Variants in LOC102723971 observed in about 807,000 individuals in gnomAD.
chr9:135,615,469 C>T, the LOC102723971 span: 2,090 of 398,700 alleles, frequency 5.2e-3, 18 homozygotes, highest in Non-Finnish European at 6.5e-3. Flanking sequence ...CCAGGGACGG[C>T]GGGGACGTGG....
the LOC102723971 span, among the ~76,000 whole-genome samples, chr9:135,619,425 A>G: frequency 1.8e-4 from 28 of 152,010 alleles, no homozygotes; most frequent in Non-Finnish European, 2.9e-5. Flanking sequence ...CTTCAGGAAC[A>G]TGACCCCACG....
chr9:135,619,325 C>T, the LOC102723971 span, among the ~76,000 whole-genome samples: 15 of 152,168 alleles, frequency 9.9e-5, no homozygotes, highest in African/African-American at 2.7e-4. Flanking sequence ...CAGAGGCCTC[C>T]AAAACTTATA....
chr9:135,614,285 G>T, the LOC102723971 span: 2 of 398,650 alleles, frequency 5.0e-6, no homozygotes, highest in Non-Finnish European at 8.8e-6. Flanking sequence ...CCTTGGCCTG[G>T]GCCTGGCGGG....
the LOC102723971 span, among the ~76,000 whole-genome samples, chr9:135,614,517 G>A: frequency 3.3e-5 from 5 of 152,260 alleles, no homozygotes; most frequent in Admixed American, 1.3e-4. Flanking sequence ...CAACCCAGGC[G>A]GGAGCGGGCT....
the LOC102723971 span, chr9:135,616,724 C>T: frequency 4.0e-5 from 16 of 398,526 alleles, no homozygotes; most frequent in South Asian, 1.2e-3. Context: ...AAGGGGCGCT[C>T]GGATGTCCAG....
At chr9:135,615,372 G>A in the LOC102723971 span, 465 of 398,616 alleles carry the variant, frequency 1.2e-3, 1 homozygote, top group African/African-American at 5.4e-3. Flanking sequence ...GTGGAGGGGC[G>A]CTGGCTCACC....
the LOC102723971 span, among the ~76,000 whole-genome samples, chr9:135,614,560 C>T: frequency 3.9e-5 from 6 of 152,178 alleles, no homozygotes; most frequent in Admixed American, 3.9e-4. Flanking sequence ...CCAGCGGCCA[C>T]TGATTAACCT....
At chr9:135,615,705 A>G in the LOC102723971 span, among the ~76,000 whole-genome samples, 1 of 152,206 alleles carries the variant, frequency 6.6e-6, no homozygotes, top group Non-Finnish European at 1.5e-5. Flanking sequence ...GTCCAGTCCC[A>G]GCAGACACGC....
the LOC102723971 span, among the ~76,000 whole-genome samples, chr9:135,616,170 G>A: frequency 6.6e-6 from 1 of 152,174 alleles, no homozygotes; most frequent in African/African-American, 2.4e-5. Flanking sequence ...GGAGCATGGG[G>A]GCGAGGGGCC....
At chr9:135,619,888 T>A in the LOC102723971 span, among the ~76,000 whole-genome samples, 1 of 39,978 alleles carries the variant, frequency 2.5e-5, no homozygotes, top group Non-Finnish European at 4.6e-5. Context: ...CTCCCCAATC[T>A]CCCCCGTCTC....
At chr9:135,614,438 AG>A in the LOC102723971 span, 8 of 229,232 alleles carry the variant, frequency 3.5e-5, no homozygotes, top group Admixed American at 6.1e-5. Context: ...TGGGGCAGAC[AG>A]GGGGGTGCCG....
At chr9:135,619,200 C>T in the LOC102723971 span, among the ~76,000 whole-genome samples, 1 of 152,214 alleles carries the variant, frequency 6.6e-6, no homozygotes, top group East Asian at 1.9e-4. Context: ...TGCCAACCAC[C>T]TGCCAACCAA....
At chr9:135,618,943 C>T in the LOC102723971 span, 1 of 399,434 alleles carries the variant, frequency 2.5e-6, no homozygotes, top group Non-Finnish European at 4.4e-6. Flanking sequence ...GCCCATGTCC[C>T]CCACCCTGAG....
chr9:135,615,403 C>T, the LOC102723971 span: 2 of 398,840 alleles, frequency 5.0e-6, no homozygotes, highest in Non-Finnish European at 8.8e-6. Context: ...CAGCCAACCA[C>T]GCAGACCTGG....
chr9:135,614,278 TG>T, the LOC102723971 span: 2 of 398,688 alleles, frequency 5.0e-6, no homozygotes, highest in African/African-American at 4.1e-5. Flanking sequence ...TGCTGGCCCT[TG>T]GCCTGGGCCT....
At chr9:135,617,563 G>A in the LOC102723971 span, among the ~76,000 whole-genome samples, 5 of 152,142 alleles carry the variant, frequency 3.3e-5, no homozygotes, top group African/African-American at 1.2e-4. Context: ...AGCAGCAGCC[G>A]AGAGGCCCCA....
At chr9:135,614,315 G>C in the LOC102723971 span, 1 of 398,640 alleles carries the variant, frequency 2.5e-6, no homozygotes, top group East Asian at 3.6e-5. Flanking sequence ...GGCTCTGGAA[G>C]AGGTACCGGT....
chr9:135,617,130 G>T, the LOC102723971 span: 1 of 396,426 alleles, frequency 2.5e-6, no homozygotes, highest in Non-Finnish European at 4.4e-6. Context: ...TCCTGTCTGG[G>T]AGGGGGCCTT....
At chr9:135,619,679 G>A in the LOC102723971 span, among the ~76,000 whole-genome samples, 8 of 152,058 alleles carry the variant, frequency 5.3e-5, no homozygotes, top group Admixed American at 4.6e-4. Context: ...CCCACTCCTC[G>A]GAGCCCAGGA....
Sources: allele counts gnomAD v4.1 joint callset (sites outside exome capture counted in the v4.1 genomes callset), GRCh38; gene constraint gnomAD v4.1.1; transcripts MANE v1.5.